ANKRD11: variants seen among roughly 807,000 people sequenced by gnomAD.
ANKRD11 encodes ankyrin repeat domain 11, also known as ankyrin repeat domain-containing protein 11.
Under a neutral mutation model 195.7 loss-of-function variants are expected in ANKRD11, and 17 were observed. The ratio of observed to expected loss-of-function variants is 0.09; its 90% confidence interval spans 0.06 to 0.13. ANKRD11 has a LOEUF of 0.13. Ranked by LOEUF, ANKRD11 falls within the 10% of genes least tolerant of loss-of-function variation. The probability of loss-of-function intolerance (pLI) is 1.00; values close to 1 mark genes in which losing one functional copy is unlikely to be tolerated. For missense variants in ANKRD11, 3,735 were observed against 3,566.1 expected (o/e 1.05, Z -1.21); for synonymous variants, 1,953 against 1,528.1 (o/e 1.28, Z -6.49).
chr16:89,429,950 A>T (rs568836424), intron 1 of ANKRD11, among the ~76,000 whole-genome samples: 35 of 87,888 alleles, frequency 4.0e-4, no homozygotes, highest in African/African-American at 1.0e-3. Flanking sequence ...TCGCGCTCAG[A>T]CGTTCTAGTA....
At chr16:89,273,579 C>T (rs1338269806) in intron 11 of ANKRD11, among the ~76,000 whole-genome samples, 1 of 152,040 alleles carries the variant, frequency 6.6e-6, no homozygotes, top group Admixed American at 6.6e-5. Flanking sequence ...TGCCTGTGAT[C>T]CCAGCTACTC....
intron 1 of ANKRD11, among the ~76,000 whole-genome samples, chr16:89,481,485 A>G (rs1162720663): frequency 6.6e-6 from 1 of 152,186 alleles, no homozygotes; most frequent in Non-Finnish European, 1.5e-5. Context: ...TGAGCCCAGA[A>G]GCTCAAGGAT....
At chr16:89,387,568 G>T (rs1421135013) in intron 2 of ANKRD11, among the ~76,000 whole-genome samples, 1 of 151,432 alleles carries the variant, frequency 6.6e-6, no homozygotes, top group South Asian at 2.1e-4. Context: ...AGCTACTCGG[G>T]AGACTGAGGC....
intron 2 of ANKRD11, among the ~76,000 whole-genome samples, chr16:89,342,031 T>A (rs62068565): frequency 3.2e-5 from 1 of 31,450 alleles, no homozygotes; most frequent in African/African-American, 1.1e-4. Flanking sequence ...GCACCTCCAC[T>A]GCCCACAGCG....
At chr16:89,343,483 TAATG>T (rs954359321) in intron 2 of ANKRD11, among the ~76,000 whole-genome samples, 2 of 152,318 alleles carry the variant, frequency 1.3e-5, no homozygotes, top group African/African-American at 4.8e-5. Flanking sequence ...TCCTAACACA[TAATG>T]TATGTGTGAG....
intron 1 of ANKRD11, among the ~76,000 whole-genome samples, chr16:89,465,083 T>C (rs562844355): frequency 1.3e-5 from 2 of 152,346 alleles, no homozygotes; most frequent in East Asian, 3.9e-4. Flanking sequence ...TTAGTAATAG[T>C]TGTAACTGGA....
At chr16:89,347,554 C>T (rs1039708086) in intron 2 of ANKRD11, among the ~76,000 whole-genome samples, 1 of 147,014 alleles carries the variant, frequency 6.8e-6, no homozygotes, top group Non-Finnish European at 1.5e-5. Flanking sequence ...GAGGTTGCAG[C>T]GAGCCAAGAT....
chr16:89,305,743 C>T (rs1304806509), intron 3 of ANKRD11, among the ~76,000 whole-genome samples: 18 of 104,940 alleles, frequency 1.7e-4, no homozygotes, highest in African/African-American at 6.2e-4. Context: ...CACGCGCCAC[C>T]TACCTCCCAC....
intron 1 of ANKRD11, among the ~76,000 whole-genome samples, chr16:89,475,777 C>T (rs1020002494): frequency 3.3e-5 from 5 of 152,064 alleles, no homozygotes; most frequent in African/African-American, 4.8e-5. Context: ...CGGCCAGGTG[C>T]GGGGGCTCAC....
At chr16:89,397,962 C>A (rs942911251) in intron 2 of ANKRD11, among the ~76,000 whole-genome samples, 8 of 152,230 alleles carry the variant, frequency 5.3e-5, no homozygotes, top group Non-Finnish European at 1.0e-4. Context: ...GTTGTTGAAT[C>A]GGTGCAATAT....
rs1331016437 is a variant in ANKRD11, at chr16:89,280,358, G to T, written c.6184C>A (p.Leu2062Met). The T allele has an allele frequency of 1.3e-6, 2 of 1,571,210 alleles. No individual in the cohort carries two copies. Among genetic ancestry groups the T allele is most frequent in the Non-Finnish European group, 1.7e-6 (2 of 1,159,018 alleles). Residue 2062 changes from leucine to methionine, a missense_variant, in exon 9 of 13, where the codon CTG becomes ATG. Leu to Met is a conservative substitution (Grantham distance 15). Coordinates refer to ENST00000301030, the MANE Select transcript of ANKRD11 (RefSeq NM_013275.6). ...TTGCAGTTGCTGAAGAAGGACTCCA[G>T]CCCGGAGGGAGGGGCGTAGGGAGCC... Reference protein sequence around the residue: ...EAAPYAPPSGLESFFSNCKSL... With the variant: ...EAAPYAPPSGMESFFSNCKSL...
chr16:89,347,505 G>C (rs2038999419), intron 2 of ANKRD11, among the ~76,000 whole-genome samples: 1 of 152,098 alleles, frequency 6.6e-6, no homozygotes, highest in South Asian at 2.1e-4. Context: ...CAGCTACTAG[G>C]GAGGCTGAGG....
At chr16:89,351,210 G>A (rs1005395363) in intron 2 of ANKRD11, among the ~76,000 whole-genome samples, 1 of 152,226 alleles carries the variant, frequency 6.6e-6, no homozygotes, top group Non-Finnish European at 1.5e-5. Flanking sequence ...GCAGCTGGTG[G>A]TGGGCATGGG....
chr16:89,286,539 C>T (rs2034660034), intron 7 of ANKRD11: 1 of 645,094 alleles, frequency 1.6e-6, no homozygotes, highest in Admixed American at 3.7e-5. Flanking sequence ...TCCCCTCCCG[C>T]CAACAGTGAG....
chr16:89,352,271 G>A (rs2039255570), intron 2 of ANKRD11, among the ~76,000 whole-genome samples: 1 of 152,024 alleles, frequency 6.6e-6, no homozygotes, highest in South Asian at 2.1e-4. Flanking sequence ...CCTAAGGACT[G>A]GATCTCACAG....
intron 2 of ANKRD11, among the ~76,000 whole-genome samples, chr16:89,326,978 G>A (rs915736784): frequency 3.3e-5 from 5 of 152,118 alleles, no homozygotes; most frequent in Non-Finnish European, 5.9e-5. Flanking sequence ...GAAGTCCACT[G>A]GGCAATGCAG....
At chr16:89,365,782 T>G (rs2039920850) in intron 2 of ANKRD11, among the ~76,000 whole-genome samples, 1 of 152,024 alleles carries the variant, frequency 6.6e-6, no homozygotes, top group Non-Finnish European at 1.5e-5. Flanking sequence ...GTCATCAGGG[T>G]TTGTTGAACA....
intron 1 of ANKRD11, among the ~76,000 whole-genome samples, chr16:89,482,978 T>C (rs1183550851): frequency 6.6e-6 from 1 of 152,200 alleles, no homozygotes; most frequent in Non-Finnish European, 1.5e-5. Flanking sequence ...CAGATCATGT[T>C]AGGCTTCTAA....
intron 2 of ANKRD11, among the ~76,000 whole-genome samples, chr16:89,346,734 G>A (rs2038958633): frequency 6.6e-6 from 1 of 152,178 alleles, no homozygotes. Flanking sequence ...CAGGTAAAGT[G>A]GTTGTTAGAG....
Sources: gnomAD v4.1 joint callset for allele counts (sites outside exome capture counted in the v4.1 genomes callset) on GRCh38, gnomAD v4.1.1 for gene constraint, MANE v1.5 for transcripts, NCBI Gene and HGNC (gene_info 2026-07-23, HGNC 2026-07-21) for gene names.